Variants in BRAF observed in about 807,000 individuals in gnomAD.
The protein encoded by BRAF is serine/threonine-protein kinase B-raf.
A neutral mutation model predicts 104.6 loss-of-function variants in BRAF; 16 were observed. The observed-to-expected ratio is 0.15, with a 90% confidence interval of 0.10 to 0.23. The LOEUF (loss-of-function observed/expected upper bound fraction) is 0.23, where lower values mean the gene tolerates loss of function less well. Ranked by LOEUF, BRAF falls within the 10% of genes least tolerant of loss-of-function variation. The pLI, the probability that BRAF is intolerant of heterozygous loss-of-function variation, is 1.00. For missense variants in BRAF, 541 were observed against 937.3 expected, an observed-to-expected ratio of 0.58 and a Z score of 5.52; for synonymous variants, 310 against 341.6, an observed-to-expected ratio of 0.91 and a Z score of 1.02.
chr7:140,719,332 A>C (rs997414751), downstream of BRAF: 37 of 973,358 alleles, frequency 3.8e-5, no homozygotes, highest in Admixed American at 5.3e-4. Context: ...CTTGATGAAG[A>C]CTTCTCCATG....
At position 140,749,537 on chromosome 7, in the gene BRAF, CAATT is replaced by C. The variant is rs1797620242; in HGVS notation, c.1981-123_1981-120del. 19 of 1,070,014 alleles carry C rather than the reference CAATT, an allele frequency of 1.8e-5. No individual in the cohort carries two copies. In the South Asian group the frequency reaches 2.7e-4, roughly 15 times the overall value. 66.3% of individuals were successfully genotyped at this position (1,070,014 alleles called of 1,614,324 possible). On this transcript the variant is annotated intron_variant, in intron 16 of 19. Coordinates refer to ENST00000644969, the MANE Select transcript of BRAF (RefSeq NM_001374258.1). ...TTAAAACACCTGTCTAATATGTAAT[CAATT>C]CTCTTAATAGTCAAAGAAATAAAAC...
chr7:140,825,073 C>T (rs1270284093), intron 3 of BRAF, among the ~76,000 whole-genome samples: 1 of 151,462 alleles, frequency 6.6e-6, no homozygotes, highest in Non-Finnish European at 1.5e-5. Flanking sequence ...CGAGCTCAAG[C>T]AATTTTCTGC....
chr7:140,828,528 G>T (rs1429509504), intron 3 of BRAF, among the ~76,000 whole-genome samples: 1 of 152,108 alleles, frequency 6.6e-6, no homozygotes, highest in African/African-American at 2.4e-5. Flanking sequence ...TATACATAAA[G>T]AATAAGTAAG....
Position 140,857,986 on chromosome 7 carries a change from G to T in BRAF, c.139-7774C>A, listed in dbSNP as rs117720195. On this transcript the variant is annotated intron_variant, in intron 1 of 19. Transcript: ENST00000644969. The stretch of plus-strand genomic sequence containing the variant: ...ATGAAAAAAATTATGCATGTATCCC[G>T]CCTTTTTAGGAAAAATTAGTTATTC... Among the ~76,000 whole-genome samples the T allele has an allele frequency of 3.8e-3, 575 of 152,180 alleles. 7 individuals are homozygous for T. The highest frequency in any genetic ancestry group is 4.2e-3 in the Non-Finnish European group (285 of 67,986).
chr7:140,722,480 C>T lies in BRAF; in HGVS notation c.*4014G>A, dbSNP rs1428665362. ...GTCAAGGTATTTTTCTAGAGCCTCA[C>T]CTACACCATTTCAACTCATGACCTG... On this transcript the variant is annotated 3_prime_UTR_variant, in exon 20 of 20. Coordinates refer to ENST00000644969, the MANE Select transcript of BRAF (RefSeq NM_001374258.1). 1.9e-6 allele frequency: 2 copies of T among 1,055,664 alleles called. No homozygotes were observed. Among genetic ancestry groups the T allele is most frequent in the South Asian group, 4.6e-5 (1 of 21,878 alleles). The allele number at this position is 1,055,664 out of a possible 1,614,324, so 65.4% of individuals were successfully genotyped here.
intron 14 of BRAF, among the ~76,000 whole-genome samples, chr7:140,762,603 G>GTTTTT (rs774057622): frequency 3.1e-5 from 3 of 96,212 alleles, no homozygotes; most frequent in African/African-American, 7.0e-5. Flanking sequence ...TCCAGGAGCT[G>GTTTTT]TTTTTTTTTT....
Position 140,798,274 on chromosome 7 carries a change from T to TTTTTTTTTTTTC in BRAF, c.980+2087_980+2088insGAAAAAAAAAAA, listed in dbSNP as rs1422949261. On this transcript the variant is annotated intron_variant, in intron 7 of 19. Transcript: ENST00000644969. ...TGCTGTATGGGGACTTTTTTTTTCT[T>TTTTTTTTTTTTC]TTTTTTGAGACGGAGTCTTGCTCTG... Among the ~76,000 whole-genome samples, 6 of 139,560 alleles carry TTTTTTTTTTTTC rather than the reference T, an allele frequency of 4.3e-5. No homozygotes were observed. In the Admixed American group the frequency reaches 4.3e-4, roughly 10 times the overall value. The allele number at this position is 139,560 out of a possible 152,430, so 91.6% of individuals were successfully genotyped here. A position where few individuals can be genotyped will look rare whatever the true frequency, so the allele number is the denominator to read the frequency against.
At chr7:140,765,998 C>T (rs1799279100) in intron 14 of BRAF, among the ~76,000 whole-genome samples, 1 of 149,532 alleles carries the variant, frequency 6.7e-6, no homozygotes, top group South Asian at 2.1e-4. Context: ...GACACATGCA[C>T]ACGTATGTTT....
At chr7:140,915,049 CAAAAAAA>C (rs567503566) in intron 1 of BRAF, among the ~76,000 whole-genome samples, 1 of 61,850 alleles carries the variant, frequency 1.6e-5, no homozygotes, top group Non-Finnish European at 3.1e-5. Flanking sequence ...ACTCCGTCTC[CAAAAAAA>C]AAAAAAAAAA....
At chr7:140,877,600 C>T (rs1586507913) in intron 1 of BRAF, among the ~76,000 whole-genome samples, 1 of 151,984 alleles carries the variant, frequency 6.6e-6, no homozygotes, top group African/African-American at 2.4e-5. Context: ...ATACAATTTA[C>T]AAATCTCTAG....
At chr7:140,764,636 C>T (rs528895900) in intron 14 of BRAF, among the ~76,000 whole-genome samples, 187 of 152,290 alleles carry the variant, frequency 1.2e-3, no homozygotes, top group African/African-American at 4.4e-3. Flanking sequence ...AAACCACAAG[C>T]ATTCTTATAC....
chr7:140,759,994 C>T (rs1265652609), intron 14 of BRAF, among the ~76,000 whole-genome samples: 2 of 152,186 alleles, frequency 1.3e-5, no homozygotes, highest in Non-Finnish European at 2.9e-5. Flanking sequence ...GATTAAGAAC[C>T]TGTTTCATGA....
intron 1 of BRAF, among the ~76,000 whole-genome samples, chr7:140,897,822 C>A (rs1259284317): frequency 6.6e-6 from 1 of 151,604 alleles, no homozygotes; most frequent in Non-Finnish European, 1.5e-5. Context: ...TTAAAAAAAT[C>A]AAAATCAAAA....
In BRAF at chr7:140,911,450, C is replaced by A. The variant is rs567247399; in HGVS notation, c.138+13116G>T. Among the ~76,000 whole-genome samples, 25 of 152,232 alleles carry A rather than the reference C, an allele frequency of 1.6e-4. No homozygotes were observed. In the South Asian group the frequency reaches 1.7e-3, roughly 10 times the overall value. Reference sequence around the variant, plus strand: ...AAAGAAATACCTATTAACAAAAAAACCCCACAATACGATATAGTGAGTAAA... The same window carrying A: ...AAAGAAATACCTATTAACAAAAAAAACCCACAATACGATATAGTGAGTAAA... On this transcript the variant is annotated intron_variant, in intron 1 of 19. Transcript: ENST00000644969.
intron 1 of BRAF, among the ~76,000 whole-genome samples, chr7:140,891,392 T>C (rs1814200856): frequency 1.3e-5 from 2 of 152,224 alleles, no homozygotes; most frequent in African/African-American, 4.8e-5. Flanking sequence ...TATTTGCATA[T>C]AACTTACTTT....
intron 14 of BRAF, among the ~76,000 whole-genome samples, chr7:140,763,522 G>C (rs1469428441): frequency 2.0e-5 from 3 of 152,056 alleles, no homozygotes; most frequent in Admixed American, 6.5e-5. Flanking sequence ...TTTTTTGAAA[G>C]GATCAACAAA....
chr7:140,767,608 A>C (rs1799453834), intron 14 of BRAF, among the ~76,000 whole-genome samples: 1 of 152,234 alleles, frequency 6.6e-6, no homozygotes, highest in South Asian at 2.1e-4. Flanking sequence ...GCGGTATGAC[A>C]GTGTCTAAAA....
intron 14 of BRAF, among the ~76,000 whole-genome samples, chr7:140,759,815 CACT>C (rs1562944717): frequency 6.6e-6 from 1 of 152,210 alleles, no homozygotes; most frequent in African/African-American, 2.4e-5. Context: ...GTGTTTCTCA[CACT>C]TTAATATGGA....
At chr7:140,860,848 T>C (rs1810343705) in intron 1 of BRAF, among the ~76,000 whole-genome samples, 1 of 152,190 alleles carries the variant, frequency 6.6e-6, no homozygotes, top group Admixed American at 6.5e-5. Context: ...TGTAGCTACT[T>C]ATATTCACAT....
Sources: gnomAD v4.1 joint callset for allele counts (sites outside exome capture counted in the v4.1 genomes callset) on GRCh38, gnomAD v4.1.1 for gene constraint, MANE v1.5 for transcripts, NCBI Gene and HGNC (gene_info 2026-07-23, HGNC 2026-07-21) for gene names.